The following ING2 variants were observed in gnomAD, a reference collection of about 807,000 sequenced individuals.
The protein encoded by ING2 is inhibitor of growth family member 2.
A neutral mutation model predicts 30.6 loss-of-function variants in ING2; 7 were observed. The ratio of observed to expected loss-of-function variants is 0.23; its 90% CI spans 0.13 to 0.43. ING2 has a LOEUF of 0.43. ING2 is among the 20% of genes least tolerant of loss of function. The pLI is 1.00. For missense variants in ING2, 239 were observed against 334.9 expected, an observed-to-expected ratio of 0.71 and a Z score of 2.24; for synonymous variants, 136 against 121.7, an observed-to-expected ratio of 1.12 and a Z score of -0.78.
rs2111093835 is a variant in ING2 at position 183,510,717 on chromosome 4, T to C, written c.608T>C (p.Val203Ala). The C allele has an allele frequency of 1.9e-6, 3 of 1,614,226 alleles. No homozygotes were observed. The highest frequency in any genetic ancestry group is 2.5e-6 in the Non-Finnish European group (3 of 1,180,050). Residue 203 changes from valine to alanine, a missense_variant, in exon 2 of 2, where the codon GTT becomes GCT. By Grantham distance (64) the Val-to-Ala change is moderately conservative (BLOSUM62 0). Around this residue, in one of 5 missense-constraint regions of ING2, gnomAD observed 22 missense variants for 77.0 expected, o/e 0.29. Transcript: ENST00000302327. Reference protein sequence around the residue: ...KAKQEREASPVEFAIDPNEPT... With the variant: ...KAKQEREASPAEFAIDPNEPT... ...AAGCAGGAAAGGGAAGCTTCACCTGTTGAGTTTGCAATAGATCCTAATGAA... is the reference window on the plus strand; with the variant it reads ...AAGCAGGAAAGGGAAGCTTCACCTGCTGAGTTTGCAATAGATCCTAATGAA...
In ING2 at chr4:183,505,148, G is replaced by C. The variant is rs1356320096; in HGVS notation, c.-48G>C. 2 of 1,558,832 alleles carry C rather than the reference G, an allele frequency of 1.3e-6. No individual in the cohort carries two copies. The highest frequency in any genetic ancestry group is 2.8e-5 in the African/African-American group (2 of 71,612). On this transcript the variant is annotated 5_prime_UTR_variant, in exon 1 of 2. The change abolishes an upstream ATG in the 5' untranslated region. Coordinates refer to ENST00000302327, the MANE Select transcript of ING2 (RefSeq NM_001564.4). ...CCCGCGGCGGCCGCGGCCGGTGCAT[G>C]TGCGGCTGCTGGATGCGGAGGCGGC...
At chr4:183,507,810 ATTTC>A (rs1734713133) in intron 1 of ING2, among the ~76,000 whole-genome samples, 2 of 152,296 alleles carry the variant, frequency 1.3e-5, no homozygotes. Context: ...AGGCAGTCAA[ATTTC>A]TTTCTAACCT....
Position 183,510,477 on chromosome 4 carries a change from A to G in ING2, c.368A>G (p.Gln123Arg), listed in dbSNP as rs1734795342. Residue 123 changes from glutamine to arginine, a missense_variant, in exon 2 of 2, where the codon CAG becomes CGG. Transcript: ENST00000302327. ...NRARQMELHSQCFQDPAESER... is the reference protein window; with the variant it reads ...NRARQMELHSRCFQDPAESER... Reference sequence around the variant, plus strand: ...GCAAGACAAATGGAGTTACACTCACAGTGTTTCCAAGATCCTGCTGAAAGT... The same window carrying G: ...GCAAGACAAATGGAGTTACACTCACGGTGTTTCCAAGATCCTGCTGAAAGT... 6.2e-7 allele frequency: 1 copy of G among 1,614,204 alleles called. No homozygotes were observed. Among genetic ancestry groups the G allele is most frequent in the East Asian group, 2.2e-5 (1 of 44,890 alleles).
At chr4:183,508,600 G>C (rs369525169) in intron 1 of ING2, among the ~76,000 whole-genome samples, 1 of 152,174 alleles carries the variant, frequency 6.6e-6, no homozygotes, top group Non-Finnish European at 1.5e-5. Context: ...CCAGGGAGAA[G>C]CTGATTAATG....
At position 183,505,458 on chromosome 4, in the gene ING2, CCCGAGCGCA is replaced by C. The variant is rs2111082940; in HGVS notation, c.172+97_172+105del. 3.9e-6 allele frequency: 5 copies of C among 1,281,200 alleles called. No homozygotes were observed. The South Asian group carries it at 4.4e-5, about 11-fold the overall frequency. The allele number at this position is 1,281,200 out of a possible 1,614,324, so 79.4% of individuals were successfully genotyped here. The stretch of plus-strand genomic sequence containing the variant: ...CTTCCCTTTCTCCCGTGACAGTCTC[CCCGAGCGCA>C]CCGAGGGTCTGCCGAGCGGGACTGG... On this transcript the variant is annotated intron_variant, in intron 1 of 1. Transcript: ENST00000302327.
At position 183,511,774 on chromosome 4, in the gene ING2, C is replaced by G. The variant is rs559734385; in HGVS notation, c.*822C>G. On this transcript the variant is annotated 3_prime_UTR_variant, in exon 2 of 2. Coordinates refer to ENST00000302327, the MANE Select transcript of ING2 (RefSeq NM_001564.4). ...AATACATCTTAATTAATAGTATTTT[C>G]CATGTGACCTGCTGCCAGGATGCGT... 6.6e-6 allele frequency among the ~76,000 whole-genome samples: 1 copy of G among 152,282 alleles called. No individual in the cohort carries two copies. The highest frequency in any genetic ancestry group is 1.9e-4 in the East Asian group (1 of 5,186).
intron 1 of ING2, chr4:183,506,053 G>T (rs1279331113): frequency 9.0e-7 from 1 of 1,116,904 alleles, no homozygotes. Context: ...CCCGCGCCGG[G>T]GGCGGGGCCT....
intron 1 of ING2, among the ~76,000 whole-genome samples, chr4:183,509,428 T>C (rs967952401): frequency 3.9e-5 from 6 of 152,132 alleles, no homozygotes; most frequent in African/African-American, 1.4e-4. Flanking sequence ...TGATCATTAA[T>C]TAGCCAAACA....
At chr4:183,510,234 G>A (rs775967841) in intron 1 of ING2, 48 bp from the exon 2 acceptor site, 11 of 1,297,248 alleles carry the variant, frequency 8.5e-6, no homozygotes, top group Non-Finnish European at 1.1e-5. Context: ...GAAATGTTGT[G>A]TCTGCTAACA....
In ING2 at chr4:183,511,532, G is replaced by A. The variant is rs1374307712; in HGVS notation, c.*580G>A. Among the ~76,000 whole-genome samples, 1 of 152,176 alleles carries A rather than the reference G, an allele frequency of 6.6e-6. No homozygotes were observed. The highest frequency in any genetic ancestry group is 6.6e-5 in the Admixed American group (1 of 15,266). On this transcript the variant is annotated 3_prime_UTR_variant, in exon 2 of 2. Coordinates refer to ENST00000302327, the MANE Select transcript of ING2 (RefSeq NM_001564.4). ...ATGAGAGTACGTGCTGCTGTCTTTT[G>A]CTTAGTAGCATTTTGATCCACTGTC...
rs1435940569 is a variant in ING2, at chr4:183,511,082, AGTT to A, written c.*136_*138del. 33 of 759,822 alleles carry A rather than the reference AGTT, an allele frequency of 4.3e-5. No individual in the cohort carries two copies. The South Asian group carries it at 5.5e-4, about 13-fold the overall frequency. 47.1% of individuals were successfully genotyped at this position (759,822 alleles called of 1,614,324 possible). On this transcript the variant is annotated 3_prime_UTR_variant, in exon 2 of 2. Transcript: ENST00000302327. ...TCATTAGTATTAATGGTGTATTAAA[AGTT>A]GTTGTACTTTGTCTGTGACCTTAAT...
chr4:183,511,123 G>A lies in ING2; in HGVS notation c.*171G>A. On this transcript the variant is annotated 3_prime_UTR_variant, in exon 2 of 2. Transcript: ENST00000302327. The stretch of plus-strand genomic sequence containing the variant: ...CTGTGACCTTAATTTTCTGCACTGA[G>A]TTACCAAATATTTCCAACCAGGTAG... 1 of 538,310 alleles carries A rather than the reference G, an allele frequency of 1.9e-6. No homozygotes were observed. The highest frequency in any genetic ancestry group is 3.2e-6 in the Non-Finnish European group (1 of 316,322). The allele number at this position is 538,310 out of a possible 1,614,324, so 33.3% of individuals were successfully genotyped here.
chr4:183,506,319 G>C (rs1259964700), intron 1 of ING2: 19 of 1,303,432 alleles, frequency 1.5e-5, no homozygotes, highest in Non-Finnish European at 1.8e-5. Flanking sequence ...CTGGCTCCGC[G>C]TAGGTTCCGG....
In ING2 at chr4:183,506,127, G is replaced by C. The variant is rs565061565; in HGVS notation, c.172+760G>C. On this transcript the variant is annotated intron_variant, in intron 1 of 1. Transcript: ENST00000302327. ...GTTCCCGCGGGCCTGGAAAATGGCT[G>C]GTCGCGAGAGGGGCGGTGGCGAGCT... The C allele has an allele frequency of 2.6e-4, 317 of 1,230,942 alleles. No individual in the cohort carries two copies. In the African/African-American group the frequency reaches 4.5e-3, roughly 17 times the overall value. The allele number at this position is 1,230,942 out of a possible 1,614,324, so 76.3% of individuals were successfully genotyped here.
chr4:183,509,208 ATGTCACAAGTCAT>A (rs1156966884), intron 1 of ING2, among the ~76,000 whole-genome samples: 1 of 152,226 alleles, frequency 6.6e-6, no homozygotes, highest in Non-Finnish European at 1.5e-5. Flanking sequence ...CTCCGGAGTC[ATGTCACAAGTCAT>A]TGTCACAAGT....
At chr4:183,506,694 C>A (rs527605901) in intron 1 of ING2, among the ~76,000 whole-genome samples, 5 of 148,626 alleles carry the variant, frequency 3.4e-5, no homozygotes, top group Non-Finnish European at 7.4e-5. Context: ...AAGGAATCCA[C>A]TTCTTGGGTG....
chr4:183,510,476 C>A lies in ING2; in HGVS notation c.367C>A (p.Gln123Lys). Residue 123 changes from glutamine to lysine, a missense_variant, in exon 2 of 2, where the codon CAG becomes AAG. Gln to Lys is a moderately conservative substitution (Grantham distance 53, BLOSUM62 1). Around this residue, in one of 5 missense-constraint regions of ING2, gnomAD observed 115 missense variants for 120.1 expected, o/e 0.96. Coordinates refer to ENST00000302327, the MANE Select transcript of ING2 (RefSeq NM_001564.4). Reference sequence around the variant, plus strand: ...GGCAAGACAAATGGAGTTACACTCACAGTGTTTCCAAGATCCTGCTGAAAG... The same window carrying A: ...GGCAAGACAAATGGAGTTACACTCAAAGTGTTTCCAAGATCCTGCTGAAAG... ...NRARQMELHS[Q>K]CFQDPAESER... The A allele has an allele frequency of 1.2e-6, 2 of 1,614,128 alleles. No individual in the cohort carries two copies. Among genetic ancestry groups the A allele is most frequent in the Non-Finnish European group, 1.7e-6 (2 of 1,180,024 alleles).
In ING2 at chr4:183,507,518, A is replaced by G. The variant is rs545964012; in HGVS notation, c.172+2151A>G. ...GACAGGGAAATCTTTCGGATCATCT[A>G]TAATTGTCAGGTATTAATAGCTCTG... On this transcript the variant is annotated intron_variant, in intron 1 of 1. Transcript: ENST00000302327. Among the ~76,000 whole-genome samples the G allele has an allele frequency of 5.3e-5, 8 of 152,360 alleles. No individual in the cohort carries two copies. The South Asian group carries it at 1.2e-3, about 24-fold the overall frequency.
intron 1 of ING2, among the ~76,000 whole-genome samples, chr4:183,506,494 C>G (rs1301477682): frequency 1.3e-5 from 2 of 152,196 alleles, no homozygotes; most frequent in South Asian, 4.1e-4. Context: ...TACAGTGTTA[C>G]CACCTACTAT....
Sources: gnomAD v4.1 joint callset for allele counts (sites outside exome capture counted in the v4.1 genomes callset) on GRCh38, gnomAD v4.1.1 for gene constraint, gnomAD v4.1.1 regional missense constraint, MANE v1.5 for transcripts, NCBI Gene and HGNC (gene_info 2026-07-23, HGNC 2026-07-21) for gene names.